The following COLEC10 variants were observed in gnomAD, a reference collection of about 807,000 sequenced individuals.
COLEC10 encodes collectin-10.
A neutral mutation model predicts 28.4 loss-of-function variants in COLEC10; 22 were observed. That is an observed-to-expected ratio of 0.78 (90% CI 0.55 to 1.11). The LOEUF is 1.11. Ranked by LOEUF, COLEC10 falls within the 50% of genes least tolerant of loss-of-function variation. COLEC10 has a pLI of 0.00. For synonymous variants in COLEC10, 125 were observed against 116.1 expected (o/e 1.08, Z -0.49); for missense variants, 361 against 344.1 (o/e 1.05, Z -0.39).
chr8:119,070,476 T>TCC (rs370638820), intron 1 of COLEC10, among the ~76,000 whole-genome samples: 1,631 of 99,078 alleles, frequency 0.016, 60 homozygotes, highest in Non-Finnish European at 0.023. Flanking sequence ...TCTCTCTCTC[T>TCC]CCTTCCCCCT....
At chr8:118,987,457 G>A in the COLEC10 span, among the ~76,000 whole-genome samples, 2 of 152,112 alleles carry the variant, frequency 1.3e-5, no homozygotes, top group African/African-American at 4.8e-5. Context: ...CCAGCTATTT[G>A]GGAGGCTGAG....
chr8:119,048,336 C>A (rs566895192), intron 2 of COLEC10, among the ~76,000 whole-genome samples: 3 of 152,294 alleles, frequency 2.0e-5, no homozygotes, highest in African/African-American at 7.2e-5. Context: ...TTCTTTTTTA[C>A]AGAGTGTTCT....
At chr8:119,069,626 AAAAATATATATATATATATATAT>A (rs1477677128) in intron 1 of COLEC10, among the ~76,000 whole-genome samples, 9 of 61,964 alleles carry the variant, frequency 1.5e-4, no homozygotes, top group African/African-American at 8.4e-4. Context: ...AAAAAAAAAA[AAAAATATATATATATATATATAT>A]ATATATATAT....
At chr8:118,976,792 T>C in the COLEC10 span, among the ~76,000 whole-genome samples, 1 of 152,040 alleles carries the variant, frequency 6.6e-6, no homozygotes, top group Non-Finnish European at 1.5e-5. Context: ...CAAAAGAAAC[T>C]ACCATCAGAG....
intron 2 of COLEC10, among the ~76,000 whole-genome samples, chr8:119,060,855 T>A (rs1402372689): frequency 6.6e-6 from 1 of 152,076 alleles, no homozygotes; most frequent in African/African-American, 2.4e-5. Flanking sequence ...TATGAATGGA[T>A]CAGTGTAGGA....
chr8:119,035,369 A>C (rs1814371673), intron 2 of COLEC10, among the ~76,000 whole-genome samples: 1 of 152,224 alleles, frequency 6.6e-6, no homozygotes, highest in Non-Finnish European at 1.5e-5. Context: ...ATAATGCCTG[A>C]GGCATGAACA....
At chr8:118,955,833 T>G in the COLEC10 span, among the ~76,000 whole-genome samples, 3,888 of 152,272 alleles carry the variant, frequency 0.026, 160 homozygotes, top group African/African-American at 0.089. Flanking sequence ...CAGGAGGGAC[T>G]GAAGAGGTGA....
chr8:119,039,266 G>C (rs1410219037), intron 2 of COLEC10, among the ~76,000 whole-genome samples: 1 of 152,080 alleles, frequency 6.6e-6, no homozygotes, highest in Non-Finnish European at 1.5e-5. Flanking sequence ...TACTTACCCT[G>C]CAGTTTTCAA....
chr8:119,086,391 G>T (rs1018487728), intron 1 of COLEC10, among the ~76,000 whole-genome samples: 134 of 152,102 alleles, frequency 8.8e-4, no homozygotes, highest in African/African-American at 2.8e-3. Context: ...CGGGGAGGTG[G>T]GGGGGGTCCC....
intron 2 of COLEC10, among the ~76,000 whole-genome samples, chr8:119,015,482 A>C (rs1274580617): frequency 6.9e-6 from 1 of 144,534 alleles, no homozygotes; most frequent in Admixed American, 6.7e-5. Context: ...GGTGTATTTC[A>C]AAATAGTTTC....
intron 4 of COLEC10, among the ~76,000 whole-genome samples, chr8:119,103,031 AT>A (rs1319300049): frequency 6.6e-6 from 1 of 152,130 alleles, no homozygotes; most frequent in African/African-American, 2.4e-5. Flanking sequence ...GGCTAATAAA[AT>A]TATTTTTAAT....
At chr8:119,005,040 A>G (rs2130071161) in intron 1 of COLEC10, among the ~76,000 whole-genome samples, 1 of 152,240 alleles carries the variant, frequency 6.6e-6, no homozygotes, top group African/African-American at 2.4e-5. Context: ...CGTCAATGAC[A>G]TCTGCTAAAG....
chr8:119,091,875 G>C (rs1458765538), intron 3 of COLEC10, among the ~76,000 whole-genome samples: 1 of 152,084 alleles, frequency 6.6e-6, no homozygotes, highest in Non-Finnish European at 1.5e-5. Context: ...GGATCTACTT[G>C]TTGGCTACAA....
chr8:119,088,338 A>C (rs772237927), intron 1 of COLEC10, among the ~76,000 whole-genome samples: 1 of 152,086 alleles, frequency 6.6e-6, no homozygotes, highest in Non-Finnish European at 1.5e-5. Flanking sequence ...CTTTTCTGAA[A>C]GCCATCCTAG....
intron 2 of COLEC10, among the ~76,000 whole-genome samples, chr8:119,025,352 C>A (rs1173848467): frequency 6.6e-6 from 1 of 152,166 alleles, no homozygotes; most frequent in Non-Finnish European, 1.5e-5. Context: ...TGGTACTGCA[C>A]TCTGCTAAGA....
the COLEC10 span, among the ~76,000 whole-genome samples, chr8:118,960,785 GAAAAAA>G: frequency 1.9e-4 from 14 of 72,558 alleles, no homozygotes; most frequent in African/African-American, 4.0e-4. Flanking sequence ...GAGACTCTGT[GAAAAAA>G]AAAAAAAAAA....
chr8:118,999,328 C>T (rs992286873), intron 1 of COLEC10, among the ~76,000 whole-genome samples: 21 of 151,960 alleles, frequency 1.4e-4, no homozygotes, highest in African/African-American at 3.6e-4. Context: ...GAAGAGCAAT[C>T]GCCTGTAATC....
At chr8:118,959,027 A>T in the COLEC10 span, among the ~76,000 whole-genome samples, 1 of 152,204 alleles carries the variant, frequency 6.6e-6, no homozygotes. Flanking sequence ...ACAGTGACTG[A>T]TTCAGTAGCT....
At chr8:119,063,647 T>C (rs546861554), upstream of COLEC10, among the ~76,000 whole-genome samples, 9 of 152,094 alleles carry the variant, frequency 5.9e-5, no homozygotes, top group South Asian at 6.2e-4. Flanking sequence ...GCAAAGACCC[T>C]TTTGTCACGT....
Sources: allele counts gnomAD v4.1 joint callset (sites outside exome capture counted in the v4.1 genomes callset), GRCh38; gene constraint gnomAD v4.1.1; transcripts MANE v1.5; gene names NCBI Gene and HGNC (gene_info 2026-07-23, HGNC 2026-07-21).